The following ZNF723 variants were observed in gnomAD, a reference collection of about 807,000 sequenced individuals.
The protein encoded by ZNF723 is zinc finger protein 723.
In ZNF723, 5 loss-of-function variants were observed where a neutral mutation model predicts 9.4. The ratio of observed to expected loss-of-function variants is 0.53; its 90% CI spans 0.28 to 1.12. The LOEUF (loss-of-function observed/expected upper bound fraction) is 1.12, where lower values mean the gene tolerates loss of function less well. ZNF723 is among the 50% of genes most tolerant of loss of function. The probability of loss-of-function intolerance (pLI) is 0.10; values close to 1 mark genes in which losing one functional copy is unlikely to be tolerated. For missense variants in ZNF723, 450 were observed against 501.5 expected, an observed-to-expected ratio of 0.90 and a Z score of 0.98; for synonymous variants, 158 against 168.8, an observed-to-expected ratio of 0.94 and a Z score of 0.49.
At chr19:22,814,398 T>G in the ZNF723 span, among the ~76,000 whole-genome samples, 2 of 152,184 alleles carry the variant, frequency 1.3e-5, no homozygotes, top group African/African-American at 4.8e-5. Context: ...CATATGAACA[T>G]GGCCCACTGT....
intron 1 of ZNF723, among the ~76,000 whole-genome samples, chr19:22,845,238 G>C (rs1967293438): frequency 6.6e-6 from 1 of 152,208 alleles, no homozygotes; most frequent in Non-Finnish European, 1.5e-5. Flanking sequence ...ACAATGCTTA[G>C]CTAAGTGGTT....
chr19:22,832,478 G>T, intron 1 of ZNF723, 96 bp downstream of exon 1: 1 of 1,224,384 alleles, frequency 8.2e-7, no homozygotes, highest in Non-Finnish European at 1.2e-6. Flanking sequence ...CCTGCTGTCA[G>T]CCCCACAATC....
chr19:22,824,920 G>A, the ZNF723 span, among the ~76,000 whole-genome samples: 1 of 152,150 alleles, frequency 6.6e-6, no homozygotes, highest in African/African-American at 2.4e-5. Context: ...TAGGGCAAGG[G>A]TACAATCATG....
chr19:22,826,888 A>G, the ZNF723 span, among the ~76,000 whole-genome samples: 18 of 152,376 alleles, frequency 1.2e-4, no homozygotes, highest in East Asian at 3.5e-3. Context: ...GGCTAATGTG[A>G]GTGAGAAGTT....
At chr19:22,848,178 A>C in intron 1 of ZNF723, 83 bp from the exon 2 acceptor site, 1 of 550,378 alleles carries the variant, frequency 1.8e-6, no homozygotes, top group Non-Finnish European at 3.2e-6. Flanking sequence ...TTACTCTCTC[A>C]TTTCACCTTC....
At chr19:22,827,703 C>T (rs2145197278), upstream of ZNF723, among the ~76,000 whole-genome samples, 1 of 152,166 alleles carries the variant, frequency 6.6e-6, no homozygotes, top group South Asian at 2.1e-4. Flanking sequence ...CCTGCCTCGG[C>T]CTCCCAAAGT....
chr19:22,815,764 T>A, the ZNF723 span, among the ~76,000 whole-genome samples: 8 of 152,220 alleles, frequency 5.3e-5, no homozygotes, highest in Admixed American at 2.0e-4. Flanking sequence ...AAAGGATTAC[T>A]GTTCTTTTAC....
At chr19:22,824,814 T>C in the ZNF723 span, among the ~76,000 whole-genome samples, 3 of 152,118 alleles carry the variant, frequency 2.0e-5, no homozygotes, top group Admixed American at 6.5e-5. Context: ...ACAGGTAGGA[T>C]GGTAATTAAC....
At chr19:22,841,364 A>G (rs1967243517) in intron 1 of ZNF723, among the ~76,000 whole-genome samples, 1 of 152,214 alleles carries the variant, frequency 6.6e-6, no homozygotes, top group African/African-American at 2.4e-5. Context: ...CTTGTGGACT[A>G]ACTGTGGTGA....
chr19:22,854,209 G>T (rs1007281043), intron 3 of ZNF723, among the ~76,000 whole-genome samples: 2 of 151,862 alleles, frequency 1.3e-5, no homozygotes, highest in Admixed American at 6.6e-5. Flanking sequence ...CTCTATTATT[G>T]TTAATTTCCT....
chr19:22,836,360 A>C (rs1490212807), intron 1 of ZNF723, among the ~76,000 whole-genome samples: 1 of 152,226 alleles, frequency 6.6e-6, no homozygotes, highest in Non-Finnish European at 1.5e-5. Context: ...TTTTAGAAAT[A>C]AAACAAAGTC....
chr19:22,820,444 G>A, the ZNF723 span, among the ~76,000 whole-genome samples: 2 of 151,950 alleles, frequency 1.3e-5, no homozygotes, highest in Non-Finnish European at 2.9e-5. Flanking sequence ...TCTTCTTCCG[G>A]GTCCCTTCTC....
intron 1 of ZNF723, among the ~76,000 whole-genome samples, chr19:22,845,907 T>TG (rs1967302131): frequency 7.0e-6 from 1 of 142,232 alleles, no homozygotes; most frequent in South Asian, 2.3e-4. Context: ...TTTTTTTTTT[T>TG]AGCTAAACAC....
chr19:22,828,088 T>A (rs563739412), upstream of ZNF723, among the ~76,000 whole-genome samples: 9 of 151,952 alleles, frequency 5.9e-5, no homozygotes, highest in East Asian at 1.8e-3. Context: ...CTAAAAAAAA[T>A]AAATGAATAA....
At chr19:22,855,659 C>T (rs1260985366) in intron 3 of ZNF723, among the ~76,000 whole-genome samples, 1 of 152,034 alleles carries the variant, frequency 6.6e-6, no homozygotes, top group Admixed American at 6.6e-5. Context: ...TTATTTTTGG[C>T]AGGACAGATT....
chr19:22,854,930 C>T (rs903420669), intron 3 of ZNF723, among the ~76,000 whole-genome samples: 2 of 152,032 alleles, frequency 1.3e-5, no homozygotes, highest in East Asian at 2.0e-4. Context: ...GCCTGTAATC[C>T]CAGCTACTCT....
intron 3 of ZNF723, among the ~76,000 whole-genome samples, chr19:22,853,660 G>T (rs559813615): frequency 6.6e-6 from 1 of 152,204 alleles, no homozygotes; most frequent in African/African-American, 2.4e-5. Flanking sequence ...GCCTTGCTCT[G>T]TCACCCAGGC....
intron 1 of ZNF723, among the ~76,000 whole-genome samples, chr19:22,845,326 T>A (rs1316488813): frequency 6.6e-6 from 1 of 152,222 alleles, no homozygotes; most frequent in Non-Finnish European, 1.5e-5. Flanking sequence ...ATTACTTAGA[T>A]GTGGATACTC....
Position 22,858,616 on chromosome 19 carries a change from A to T in ZNF723, c.*183A>T, listed in dbSNP as rs555856383. 41 of 425,058 alleles carry T rather than the reference A, an allele frequency of 9.6e-5. No homozygotes were observed. The highest frequency in any genetic ancestry group is 1.5e-4 in the Non-Finnish European group (37 of 243,330). The allele number at this position is 425,058 out of a possible 1,614,324, so 26.3% of individuals were successfully genotyped here. On this transcript the variant is annotated 3_prime_UTR_variant, in exon 4 of 4. Transcript: ENST00000600766. Reference sequence around the variant, plus strand: ...ACGTCTCTACTAAAATACAAAAAAAATTAGCCGGGTGTAGTGGTGGGCGCC... The same window carrying T: ...ACGTCTCTACTAAAATACAAAAAAATTTAGCCGGGTGTAGTGGTGGGCGCC...
Sources: gnomAD v4.1 joint callset for allele counts (sites outside exome capture counted in the v4.1 genomes callset) on GRCh38, gnomAD v4.1.1 for gene constraint, MANE v1.5 for transcripts, NCBI Gene and HGNC (gene_info 2026-07-23, HGNC 2026-07-21) for gene names.